Variants in SORL1 observed in about 807,000 individuals in gnomAD.
The protein encoded by SORL1 is sortilin related receptor 1, also known as sortilin-related receptor.
SORL1 carries 127 observed loss-of-function variants against 273.7 expected under a neutral mutation model. The ratio of observed to expected loss-of-function variants is 0.46; its 90% confidence interval spans 0.40 to 0.54. The LOEUF is 0.54. Ranked by LOEUF, SORL1 falls within the 20% of genes least tolerant of loss-of-function variation. SORL1 has a pLI of 0.00. For missense variants in SORL1, 2,494 were observed against 2,846.1 expected, an observed-to-expected ratio of 0.88 and a Z score of 2.81; for synonymous variants, 1,031 against 1,067.4, an observed-to-expected ratio of 0.97 and a Z score of 0.66.
At position 121,574,340 on chromosome 11, in the gene SORL1, A is replaced by G; in HGVS notation, c.3437A>G (p.Asp1146Gly). 1 of 1,613,500 alleles carries G rather than the reference A, an allele frequency of 6.2e-7. No homozygotes were observed. ...YKCDLEDDCG[D>G]NSDESHCEMH... ...TGTGACCTTGAGGATGACTGTGGAGACAACAGTGATGAAAGTCATTGTGGT... is the reference window on the plus strand; with the variant it reads ...TGTGACCTTGAGGATGACTGTGGAGGCAACAGTGATGAAAGTCATTGTGGT... The change falls in exon 24 of 48, where the codon GAC (aspartate) becomes GGC (glycine). Residue 1146 changes from aspartate (D) to glycine (G), a missense_variant. By Grantham distance (94) the Asp-to-Gly change is moderately conservative. Coordinates refer to ENST00000260197, the MANE Select transcript of SORL1 (RefSeq NM_003105.6).
At position 121,558,681 on chromosome 11, in the gene SORL1, G is replaced by C. The variant is rs761610632; in HGVS notation, c.2754G>C (p.Glu918Asp). The C allele has an allele frequency of 6.2e-7, 1 of 1,614,034 alleles. No homozygotes were observed. The highest frequency in any genetic ancestry group is 8.5e-7 in the Non-Finnish European group (1 of 1,180,018). ...CTGCTGCCTATCACCTGGTGTCTGAGGATGTGAAGTGGCCCAATGGCATCT... is the reference window on the plus strand; with the variant it reads ...CTGCTGCCTATCACCTGGTGTCTGACGATGTGAAGTGGCCCAATGGCATCT... ...DGSAAYHLVS[E>D]DVKWPNGISV... The change falls in exon 20 of 48, where the codon GAG becomes GAC. Residue 918 changes from glutamate (E) to aspartate (D), a missense_variant. By Grantham distance (45) the Glu-to-Asp change is conservative. This residue lies in a region of SORL1 where 1,609 missense variants were observed against 1,816.4 expected (regional missense o/e 0.89). Coordinates refer to ENST00000260197, the MANE Select transcript of SORL1 (RefSeq NM_003105.6).
Position 121,566,998 on chromosome 11 carries a change from C to T in SORL1, c.3108C>T (p.Asn1036=). 6.2e-7 allele frequency: 1 copy of T among 1,614,186 alleles called. No homozygotes were observed. The highest frequency in any genetic ancestry group is 8.5e-7 in the Non-Finnish European group (1 of 1,180,010). Residue 1036 remains asparagine (N), a synonymous_variant, in exon 22 of 48, where the codon AAC becomes AAT. Coordinates refer to ENST00000260197, the MANE Select transcript of SORL1 (RefSeq NM_003105.6). ...TGCTGTGCCTGCCCAAGGCCAACAA[C>T]AGTAGAAGCTGCAGGTGTCCAGAGG... ...CSLLCLPKAN[N]SRSCRCPEDV...
At chr11:121,531,583 A>T (rs1454523991) in intron 11 of SORL1, among the ~76,000 whole-genome samples, 3 of 152,098 alleles carry the variant, frequency 2.0e-5, no homozygotes, top group Admixed American at 1.3e-4. Flanking sequence ...GAGGATATTG[A>T]TATTTTTGTC....
intron 27 of SORL1, 91 bp from the exon 28 acceptor site, chr11:121,587,929 C>T (rs1338490997): frequency 2.8e-5 from 41 of 1,487,770 alleles, no homozygotes; most frequent in Non-Finnish European, 3.8e-5. Flanking sequence ...TTCCTGAAGC[C>T]ACATCTGTAC....
At chr11:121,577,184 C>T (rs528102360) in intron 24 of SORL1, 97 bp from the exon 25 acceptor site, 325 of 1,421,236 alleles carry the variant, frequency 2.3e-4, no homozygotes, top group Middle Eastern at 2.1e-3. Flanking sequence ...TTGGTGATCA[C>T]GGGTCCATCT....
chr11:121,555,836 C>T (rs1334335391), intron 18 of SORL1, among the ~76,000 whole-genome samples: 1 of 152,146 alleles, frequency 6.6e-6, no homozygotes, highest in Non-Finnish European at 1.5e-5. Flanking sequence ...ATACCCAAGG[C>T]AAGGATGATG....
chr11:121,590,004 A>C (rs918796237), intron 29 of SORL1, 36 bp from the exon 30 acceptor site: 2 of 1,609,776 alleles, frequency 1.2e-6, no homozygotes, highest in Non-Finnish European at 1.7e-6. Context: ...ACACTGATGC[A>C]GGGAAAGCAA....
chr11:121,545,475 C>A, intron 14 of SORL1, 46 bp downstream of exon 14: 1 of 1,577,720 alleles, frequency 6.3e-7, no homozygotes, highest in Non-Finnish European at 8.7e-7. Context: ...GTTTTATTCA[C>A]TCAGCAGTGT....
intron 1 of SORL1, among the ~76,000 whole-genome samples, chr11:121,465,594 C>G (rs1442802811): frequency 1.3e-5 from 2 of 151,654 alleles, no homozygotes; most frequent in African/African-American, 4.8e-5. Context: ...GTGGCATGAT[C>G]TTGGCTTACT....
chr11:121,496,945 CGAA>C lies in SORL1; in HGVS notation c.837_839del (p.Ser280del). Reference sequence around the variant, plus strand: ...ACCCTCTGGCTACTCCACTGTCTTCCGAAGTACAGATTTCTTCCAGTCCCGGGA... The same window carrying C: ...ACCCTCTGGCTACTCCACTGTCTTCCGTACAGATTTCTTCCAGTCCCGGGA... On this transcript the variant is annotated inframe_deletion, in exon 6 of 48. Transcript: ENST00000260197. 6.2e-7 allele frequency: 1 copy of C among 1,613,900 alleles called. No homozygotes were observed.
chr11:121,609,938 T>C (rs1343641311), intron 38 of SORL1: 2 of 152,252 alleles, frequency 1.3e-5, no homozygotes, highest in Non-Finnish European at 2.9e-5. Flanking sequence ...CTGGTTGCCA[T>C]GATTATAATT....
rs199979189 is a variant in SORL1, at chr11:121,559,481, G to A, written c.2911-38G>A. On this transcript the variant is annotated intron_variant, in intron 20 of 47. Transcript: ENST00000260197. ...CTTAGAGAGAACCAGAATAAAGAAC[G>A]AAAGAGCTGGACTAATGGGCAAAGG... 84 of 1,596,104 alleles carry A rather than the reference G, an allele frequency of 5.3e-5. No individual in the cohort carries two copies. In the Admixed American group the frequency reaches 7.1e-4, roughly 14 times the overall value.
chr11:121,522,369 G>A (rs1376761340), intron 9 of SORL1, among the ~76,000 whole-genome samples: 1 of 152,156 alleles, frequency 6.6e-6, no homozygotes, highest in Non-Finnish European at 1.5e-5. Context: ...TTTTTAAGTT[G>A]TAATTGTTCT....
chr11:121,523,081 G>C, intron 11 of SORL1, 92 bp downstream of exon 11: 1 of 871,788 alleles, frequency 1.1e-6, no homozygotes, highest in Non-Finnish European at 2.0e-6. Context: ...GGACACAAAT[G>C]GTCCATGGCA....
chr11:121,487,078 G>A (rs1307065127), intron 3 of SORL1, among the ~76,000 whole-genome samples: 5 of 152,138 alleles, frequency 3.3e-5, no homozygotes, highest in Non-Finnish European at 5.9e-5. Flanking sequence ...CCTGCCCTGC[G>A]AGGCCCACCT....
intron 38 of SORL1, chr11:121,608,382 G>C: frequency 1.8e-6 from 1 of 551,838 alleles, no homozygotes; most frequent in Non-Finnish European, 3.2e-6. Context: ...TTTCCTCCTA[G>C]TATTGAGCAT....
At chr11:121,560,013 G>A (rs1862647574) in intron 21 of SORL1, among the ~76,000 whole-genome samples, 1 of 152,116 alleles carries the variant, frequency 6.6e-6, no homozygotes, top group Non-Finnish European at 1.5e-5. Context: ...CTCTGTGCTG[G>A]GTGCTCAGAT....
chr11:121,532,943 C>G (rs1238755668), intron 12 of SORL1, among the ~76,000 whole-genome samples: 1 of 152,068 alleles, frequency 6.6e-6, no homozygotes, highest in Non-Finnish European at 1.5e-5. Context: ...TTCGGCCTCC[C>G]AAAATGCTTG....
intron 34 of SORL1, 40 bp from the exon 35 acceptor site, chr11:121,605,362 T>A (rs747033949): frequency 4.4e-6 from 7 of 1,593,758 alleles, no homozygotes; most frequent in Non-Finnish European, 6.0e-6. Context: ...CCCCCCATGC[T>A]GCTCCAGTGT....
Sources: allele counts gnomAD v4.1 joint callset (sites outside exome capture counted in the v4.1 genomes callset), GRCh38; gene constraint gnomAD v4.1.1; regional missense constraint gnomAD v4.1.1; transcripts MANE v1.5; gene names NCBI Gene and HGNC (gene_info 2026-07-23, HGNC 2026-07-21).